The following CNIH3 variants were observed in gnomAD, a reference collection of about 807,000 sequenced individuals.
CNIH3 encodes the protein cornichon family AMPA receptor auxiliary protein 3, also known as protein cornichon homolog 3.
In CNIH3, 14 loss-of-function variants were observed where a neutral mutation model predicts 24.1. The observed-to-expected ratio is 0.58, with a 90% CI of 0.38 to 0.91. The LOEUF (loss-of-function observed/expected upper bound fraction) is 0.91, where lower values mean the gene tolerates loss of function less well. CNIH3 is among the 40% of genes least tolerant of loss of function. The pLI, the probability that CNIH3 is intolerant of heterozygous loss-of-function variation, is 0.00. For synonymous variants in CNIH3, 68 were observed against 73.8 expected (o/e 0.92, Z 0.40); for missense variants, 178 against 196.8 (o/e 0.90, Z 0.57).
At chr1:224,605,319 G>C (rs972350139) in intron 3 of CNIH3, among the ~76,000 whole-genome samples, 8 of 152,176 alleles carry the variant, frequency 5.3e-5, no homozygotes, top group Non-Finnish European at 1.0e-4. Flanking sequence ...AACTGCCTTT[G>C]CAAAAGTATG....
intron 1 of CNIH3, among the ~76,000 whole-genome samples, 156 bp downstream of exon 1, chr1:224,617,411 C>T (rs1189247034): frequency 1.3e-5 from 2 of 152,176 alleles, no homozygotes; most frequent in Non-Finnish European, 2.9e-5. Flanking sequence ...TCGCTGCATC[C>T]CGCCGGGCGC....
chr1:224,474,750 C>T (rs879341075), intron 1 of CNIH3, among the ~76,000 whole-genome samples: 4 of 151,894 alleles, frequency 2.6e-5, no homozygotes, highest in Admixed American at 6.6e-5. Flanking sequence ...AATCGGAGCC[C>T]GGGCCGGTGG....
upstream of CNIH3, chr1:224,611,548 C>T (rs1485102080): frequency 6.6e-6 from 1 of 152,222 alleles, no homozygotes; most frequent in Non-Finnish European, 1.5e-5. Context: ...CGTTGATTTC[C>T]TCCTTATGGT....
At chr1:224,705,913 C>A (rs964648603) in intron 3 of CNIH3, among the ~76,000 whole-genome samples, 5 of 127,918 alleles carry the variant, frequency 3.9e-5, no homozygotes, top group Non-Finnish European at 6.3e-5. Flanking sequence ...CAGCTCACAT[C>A]GTCACTTCGG....
chr1:224,688,011 A>C (rs1178794083), intron 3 of CNIH3, among the ~76,000 whole-genome samples: 1 of 152,166 alleles, frequency 6.6e-6, no homozygotes, highest in Non-Finnish European at 1.5e-5. Context: ...CAGGATCTAG[A>C]AAATATCTCA....
At chr1:224,655,533 A>C (rs1278976593) in intron 1 of CNIH3, among the ~76,000 whole-genome samples, 2 of 152,204 alleles carry the variant, frequency 1.3e-5, no homozygotes, top group Non-Finnish European at 2.9e-5. Flanking sequence ...TGTCGATGTC[A>C]CTGTCAGTGT....
At chr1:224,486,462 C>G (rs537607008) in intron 1 of CNIH3, among the ~76,000 whole-genome samples, 71 of 152,316 alleles carry the variant, frequency 4.7e-4, no homozygotes, top group African/African-American at 1.7e-3. Context: ...TTTGTTTATA[C>G]TCTCTAGATG....
At chr1:224,580,207 T>G (rs1681212980) in intron 4 of CNIH3, among the ~76,000 whole-genome samples, 1 of 152,146 alleles carries the variant, frequency 6.6e-6, no homozygotes, top group Admixed American at 6.5e-5. Context: ...CCCCTTATAT[T>G]TGGCCCCCAC....
chr1:224,469,219 T>A (rs561701218), intron 1 of CNIH3, among the ~76,000 whole-genome samples: 1 of 152,220 alleles, frequency 6.6e-6, no homozygotes, highest in Non-Finnish European at 1.5e-5. Flanking sequence ...AAGCTGGAGC[T>A]TCAGGTGCAT....
chr1:224,605,926 T>C (rs1175420445), intron 3 of CNIH3, among the ~76,000 whole-genome samples: 1 of 152,228 alleles, frequency 6.6e-6, no homozygotes, highest in Non-Finnish European at 1.5e-5. Flanking sequence ...AAATGCTTTC[T>C]TTACTGCAAT....
chr1:224,438,268 G>A (rs1674754466), intron 1 of CNIH3, among the ~76,000 whole-genome samples: 1 of 150,912 alleles, frequency 6.6e-6, no homozygotes, highest in Non-Finnish European at 1.5e-5. Context: ...ATGTTGCCCA[G>A]GCTGGTCTCA....
intron 5 of CNIH3, 89 bp from the exon 6 acceptor site, chr1:224,739,240 C>T: frequency 6.5e-7 from 1 of 1,545,126 alleles, no homozygotes; most frequent in Admixed American, 2.1e-5. Context: ...CTGGAAGGTC[C>T]CTCTCCTGAG....
At chr1:224,526,143 G>A (rs1678836321) in intron 2 of CNIH3, among the ~76,000 whole-genome samples, 1 of 152,176 alleles carries the variant, frequency 6.6e-6, no homozygotes, top group Admixed American at 6.5e-5. Context: ...TATTACAAAT[G>A]TATGAATTTT....
In CNIH3 at chr1:224,574,632, G is replaced by A. The variant is rs1427339174; in HGVS notation, n.516+8368G>A. On this transcript the variant is annotated intron_variant and non_coding_transcript_variant, in intron 4 of 5. Coordinates refer to the CNIH3 transcript ENST00000471578. ...CATTCGGGAGAAGCTCAGGGAGCAG[G>A]TGGTGAAGTGTGAGGAGCTCTTCAT... 1.4e-5 allele frequency: 12 copies of A among 870,802 alleles called. No individual in the cohort carries two copies. The East Asian group carries it at 2.2e-4, about 16-fold the overall frequency. 53.9% of individuals were successfully genotyped at this position (870,802 alleles called of 1,614,324 possible).
At chr1:224,511,599 G>A (rs1399537905), upstream of CNIH3, among the ~76,000 whole-genome samples, 1 of 152,166 alleles carries the variant, frequency 6.6e-6, no homozygotes, top group Admixed American at 6.5e-5. Flanking sequence ...GCTCATGCCT[G>A]TAATCCTAGC....
chr1:224,503,059 G>A (rs771527338), intron 1 of CNIH3, among the ~76,000 whole-genome samples: 14 of 151,446 alleles, frequency 9.2e-5, no homozygotes, highest in Non-Finnish European at 2.1e-4. Context: ...AGGGAGGGAG[G>A]TGGGGGCAGG....
chr1:224,571,685 A>C (rs571013116), intron 4 of CNIH3, among the ~76,000 whole-genome samples: 7 of 152,314 alleles, frequency 4.6e-5, no homozygotes, highest in African/African-American at 1.4e-4. Flanking sequence ...AGATCGCACC[A>C]CTGCATTCCA....
intron 1 of CNIH3, among the ~76,000 whole-genome samples, chr1:224,503,661 G>A (rs563849138): frequency 6.6e-6 from 1 of 152,350 alleles, no homozygotes; most frequent in East Asian, 1.9e-4. Context: ...AGGGCTGCCT[G>A]GTGTTTAGCA....
At chr1:224,497,749 G>C (rs988107345) in intron 1 of CNIH3, among the ~76,000 whole-genome samples, 1 of 152,186 alleles carries the variant, frequency 6.6e-6, no homozygotes, top group Non-Finnish European at 1.5e-5. Flanking sequence ...TTCCTGCACT[G>C]CTGGCTGTAT....
Sources: gnomAD v4.1 joint callset for allele counts (sites outside exome capture counted in the v4.1 genomes callset) on GRCh38, gnomAD v4.1.1 for gene constraint, MANE v1.5 for transcripts, NCBI Gene and HGNC (gene_info 2026-07-23, HGNC 2026-07-21) for gene names.